Variants in VASP observed in about 807,000 individuals in gnomAD.
VASP encodes the protein vasodilator stimulated phosphoprotein.
VASP carries 27 observed loss-of-function variants against 54.4 expected under a neutral mutation model. The observed-to-expected ratio is 0.50, with a 90% confidence interval of 0.37 to 0.68. The LOEUF is 0.68. Ranked by LOEUF, VASP falls within the 30% of genes least tolerant of loss-of-function variation. VASP has a pLI of 0.00. For synonymous variants in VASP, 233 were observed against 209.8 expected, an observed-to-expected ratio of 1.11 and a Z score of -0.96; for missense variants, 488 against 528.3, an observed-to-expected ratio of 0.92 and a Z score of 0.75.
At chr19:45,512,548 A>G (rs1968620396) in intron 1 of VASP, among the ~76,000 whole-genome samples, 1 of 151,850 alleles carries the variant, frequency 6.6e-6, no homozygotes, top group African/African-American at 2.4e-5. Flanking sequence ...TCGGCCTCCC[A>G]AAGTGCTGGG....
In VASP at chr19:45,522,483, C is replaced by T. The variant is rs1378205368; in HGVS notation, c.622C>T (p.Pro208Ser). The T allele has an allele frequency of 2.0e-6, 3 of 1,470,624 alleles. No individual in the cohort carries two copies. Among genetic ancestry groups the T allele is most frequent in the Middle Eastern group, 2.4e-4 (1 of 4,176 alleles). The allele number at this position is 1,470,624 out of a possible 1,614,324, so 91.1% of individuals were successfully genotyped here. A position where few individuals can be genotyped will look rare whatever the true frequency, so the allele number is the denominator to read the frequency against. Residue 208 changes from proline to serine, a missense_variant, in exon 6 of 13, where the codon CCC (proline) becomes TCC (serine). By Grantham distance (74) the Pro-to-Ser change is moderately conservative. Coordinates refer to ENST00000245932, the MANE Select transcript of VASP (RefSeq NM_003370.4). Reference sequence around the variant, plus strand: ...AGCAGGGGGAGGACCACCCCCTGCACCCCCTCTCCCGGCAGCACAGGGCCC... The same window carrying T: ...AGCAGGGGGAGGACCACCCCCTGCATCCCCTCTCCCGGCAGCACAGGGCCC... Reference protein sequence around the residue: ...HGAGGGPPPAPPLPAAQGPGG... With the variant: ...HGAGGGPPPASPLPAAQGPGG...
In VASP at chr19:45,526,200, CT is replaced by C; in HGVS notation, c.*25del. On this transcript the variant is annotated 3_prime_UTR_variant, in exon 13 of 13. Transcript: ENST00000245932. ...TGACCACAGGGACCCAGAAGACCCG[CT>C]TCTCCTTTCCGCACACCCGGCCTGT... The C allele has an allele frequency of 6.3e-7, 1 of 1,595,052 alleles. No individual in the cohort carries two copies.
chr19:45,513,235 C>T (rs1599929830), intron 1 of VASP, among the ~76,000 whole-genome samples: 1 of 151,560 alleles, frequency 6.6e-6, no homozygotes, highest in Non-Finnish European at 1.5e-5. Flanking sequence ...TAAAAGTTTG[C>T]CTTTTTTTGT....
chr19:45,510,979 G>T (rs1193637675), intron 1 of VASP, among the ~76,000 whole-genome samples: 1 of 147,984 alleles, frequency 6.8e-6, no homozygotes, highest in Non-Finnish European at 1.5e-5. Flanking sequence ...TGTTCTTAAT[G>T]AAGAAAAAGA....
chr19:45,520,837 G>A (rs183868145), intron 3 of VASP, among the ~76,000 whole-genome samples: 1 of 152,264 alleles, frequency 6.6e-6, no homozygotes, highest in East Asian at 1.9e-4. Context: ...GGTGGCAGGC[G>A]CCTGTAATCC....
intron 1 of VASP, among the ~76,000 whole-genome samples, chr19:45,516,468 G>C (rs192239580): frequency 6.6e-6 from 1 of 152,174 alleles, no homozygotes; most frequent in East Asian, 1.9e-4. Flanking sequence ...CAGTGGTGGA[G>C]GGGGGTGCGT....
chr19:45,508,648 C>T (rs1169929079), intron 1 of VASP, among the ~76,000 whole-genome samples: 4 of 152,192 alleles, frequency 2.6e-5, no homozygotes, highest in Admixed American at 2.6e-4. Context: ...GGCCGGCTGC[C>T]TTCCCCACCA....
At chr19:45,520,029 G>T (rs751225115) in intron 3 of VASP, among the ~76,000 whole-genome samples, 23 of 150,090 alleles carry the variant, frequency 1.5e-4, no homozygotes. Context: ...AGCCTCCTGA[G>T]TAGATGGAAC....
chr19:45,523,751 G>T, intron 8 of VASP, 56 bp downstream of exon 8: 1 of 1,614,036 alleles, frequency 6.2e-7, no homozygotes, highest in Admixed American at 1.7e-5. Flanking sequence ...TGAGGGTAGG[G>T]ATAGTGGGAT....
chr19:45,523,583 C>G (rs1968892179), intron 7 of VASP, 61 bp from the exon 8 acceptor site: 11 of 1,587,528 alleles, frequency 6.9e-6, no homozygotes, highest in Non-Finnish European at 6.0e-6. Flanking sequence ...TTCTAGAACT[C>G]CCCTCAGAAG....
In VASP at chr19:45,524,560, A is replaced by G; in HGVS notation, c.957-10A>G. The G allele has an allele frequency of 6.2e-6, 10 of 1,612,996 alleles. No individual in the cohort carries two copies. Among genetic ancestry groups the G allele is most frequent in the Non-Finnish European group, 8.5e-6 (10 of 1,179,608 alleles). ...CTCATTGCTGTCCCAAACCACACCA[A>G]CTCCCCCAGGATGAAGTCGTCTTCT... On this transcript the variant is annotated splice_polypyrimidine_tract_variant and intron_variant, in intron 10 of 12. Coordinates refer to ENST00000245932, the MANE Select transcript of VASP (RefSeq NM_003370.4).
chr19:45,522,782 G>T lies in VASP; in HGVS notation c.785G>T (p.Gly262Val). The T allele has an allele frequency of 1.2e-6, 2 of 1,602,946 alleles. No individual in the cohort carries two copies. Among genetic ancestry groups the T allele is most frequent in the South Asian group, 2.2e-5 (2 of 89,638 alleles). Residue 262 changes from glycine (G) to valine (V), a missense_variant, in exon 7 of 13, where the codon GGA becomes GTA. Physicochemically the swap from Gly to Val is moderately radical, Grantham distance 109. Around this residue, in one of 4 missense-constraint regions of VASP, gnomAD observed 9 missense variants for 26.9 expected, o/e 0.33. Transcript: ENST00000245932. ...KAESGRSGGG[G>V]LMEEMNAMLA... ...GAGAGTGGTCGAAGCGGAGGTGGGG[G>T]ACTCATGGAAGAGATGAACGCCATG...
rs868854239 is a variant in VASP, at chr19:45,514,913, G to A, written c.6-2750G>A. ...CACATCTTCACTCTATTCCTCAGTA[G>A]CTGTGTGACTGTGGGCAAGTCACTC... is the stretch of plus-strand genomic sequence containing the variant. On this transcript the variant is annotated intron_variant, in intron 1 of 12. Transcript: ENST00000245932. 6.6e-5 allele frequency among the ~76,000 whole-genome samples: 10 copies of A among 152,314 alleles called. 1 individual carries two copies. The Middle Eastern group carries it at 0.01, about 155-fold the overall frequency.
chr19:45,510,582 T>TA (rs1968581951), intron 1 of VASP, among the ~76,000 whole-genome samples: 1 of 152,074 alleles, frequency 6.6e-6, no homozygotes, highest in African/African-American at 2.4e-5. Context: ...CCCACCCCGG[T>TA]ACTCAGTTTA....
Position 45,518,097 on chromosome 19 carries a change from C to A in VASP, c.343+3C>A. On this transcript the variant is annotated splice_donor_region_variant and intron_variant, in intron 3 of 12. Coordinates refer to ENST00000245932, the MANE Select transcript of VASP (RefSeq NM_003370.4). ...CAGTGCCCTAGAGGCGTTGGAAGGT[C>A]AGAAATGGCGGCGGGCAAAGGGGAC... 1 of 1,612,206 alleles carries A rather than the reference C, an allele frequency of 6.2e-7. No homozygotes were observed. The highest frequency in any genetic ancestry group is 1.1e-5 in the South Asian group (1 of 90,980).
At chr19:45,524,271 A>G in intron 10 of VASP, 129 bp downstream of exon 10, 1 of 1,087,480 alleles carries the variant, frequency 9.2e-7, no homozygotes, top group South Asian at 1.3e-5. Flanking sequence ...GCGTGGTAGC[A>G]CTTACCTGTG....
At chr19:45,509,326 C>T in intron 1 of VASP, among the ~76,000 whole-genome samples, 1 of 152,124 alleles carries the variant, frequency 6.6e-6, no homozygotes, top group Non-Finnish European at 1.5e-5. Flanking sequence ...GGGAGCGTCG[C>T]TCTCTTCCTT....
intron 1 of VASP, 88 bp from the exon 2 acceptor site, chr19:45,517,575 C>T (rs1328560075): frequency 3.3e-6 from 5 of 1,516,446 alleles, no homozygotes; most frequent in Non-Finnish European, 4.4e-6. Flanking sequence ...CTCTTCCTTC[C>T]ACACACTGTC....
intron 3 of VASP, among the ~76,000 whole-genome samples, chr19:45,518,639 G>A (rs1032531338): frequency 6.6e-5 from 10 of 152,118 alleles, no homozygotes; most frequent in Non-Finnish European, 8.8e-5. Context: ...GCACACTCCC[G>A]GGAAACCACC....
Sources: gnomAD v4.1 joint callset for allele counts (sites outside exome capture counted in the v4.1 genomes callset) on GRCh38, gnomAD v4.1.1 for gene constraint, gnomAD v4.1.1 regional missense constraint, MANE v1.5 for transcripts, NCBI Gene and HGNC (gene_info 2026-07-23, HGNC 2026-07-21) for gene names.